The following TEP1 variants were observed in gnomAD, a reference collection of about 807,000 sequenced individuals.
TEP1 encodes telomerase protein component 1.
TEP1 carries 241 observed loss-of-function variants against 306.3 expected under a neutral mutation model. The ratio of observed to expected loss-of-function variants is 0.79; its 90% CI spans 0.71 to 0.88. The LOEUF (loss-of-function observed/expected upper bound fraction) is 0.88. Among genes scored for constraint, TEP1 ranks in the 40% least tolerant of loss-of-function variants. The pLI is 0.00. For synonymous variants in TEP1, 1,289 were observed against 1,305.5 expected, an observed-to-expected ratio of 0.99 and a Z score of 0.27; for missense variants, 3,051 against 3,276.1, an observed-to-expected ratio of 0.93 and a Z score of 1.68.
intron 1 of TEP1, among the ~76,000 whole-genome samples, chr14:20,412,138 A>G (rs1183666640): frequency 6.6e-6 from 1 of 152,176 alleles, no homozygotes; most frequent in Non-Finnish European, 1.5e-5. Context: ...AAGGACAACA[A>G]TATCTCACTG....
intron 43 of TEP1, 49 bp downstream of exon 43, chr14:20,375,706 G>T: frequency 3.9e-6 from 5 of 1,267,802 alleles, no homozygotes; most frequent in Admixed American, 1.7e-5. Flanking sequence ...GTGTTGTCTT[G>T]CCCCAGGAAC....
chr14:20,392,717 T>G (rs887681055), intron 12 of TEP1, among the ~76,000 whole-genome samples: 7 of 152,172 alleles, frequency 4.6e-5, no homozygotes, highest in Admixed American at 3.3e-4. Context: ...ATTGGAAAAT[T>G]TGAATATGGA....
rs1877734530 is a variant in TEP1 at position 20,391,675 on chromosome 14, A to C, written c.2021T>G (p.Leu674Arg). 6.2e-7 allele frequency: 1 copy of C among 1,614,094 alleles called. No homozygotes were observed. Residue 674 changes from leucine (L) to arginine (R), a missense_variant, in exon 13 of 55, where the codon CTG becomes CGG. Leu to Arg is a moderately radical substitution (Grantham distance 102). Coordinates refer to ENST00000262715, the MANE Select transcript of TEP1 (RefSeq NM_007110.5). ...ATAGACCAAGACAGTGCGGCCTGGC[A>C]GCAGGGGCAGGCTGTGCTTCACAGA... ...NLSVKHSLPL[L>R]PGRTVLVYLT...
At position 20,376,189 on chromosome 14, in the gene TEP1, G is replaced by A; in HGVS notation, c.6164C>T (p.Thr2055Ile). 1.2e-6 allele frequency: 2 copies of A among 1,614,192 alleles called. No individual in the cohort carries two copies. Among genetic ancestry groups the A allele is most frequent in the Non-Finnish European group, 1.7e-6 (2 of 1,180,036 alleles). Residue 2055 changes from threonine to isoleucine, a missense_variant, in exon 42 of 55, where the codon ACT (threonine) becomes ATT (isoleucine). Around this residue, in one of 3 missense-constraint regions of TEP1, gnomAD observed 1,540 missense variants for 1,705.9 expected, o/e 0.90. Coordinates refer to ENST00000262715, the MANE Select transcript of TEP1 (RefSeq NM_007110.5). ...PHKAEDFPCG[T>I]ELRGHEGPVS... ...AGGGCCCTCATGTCCCCGCAGCTCA[G>A]TGCCACAGGGAAAGTCTTCTGCCTT...
chr14:20,410,464 C>A (rs979308289), intron 1 of TEP1, among the ~76,000 whole-genome samples: 1 of 152,074 alleles, frequency 6.6e-6, no homozygotes, highest in African/African-American at 2.4e-5. Context: ...GCTCTGTCAC[C>A]CAGGCTGGAG....
intron 18 of TEP1, among the ~76,000 whole-genome samples, chr14:20,386,924 T>C (rs371647286): frequency 5.1e-4 from 78 of 152,048 alleles, no homozygotes; most frequent in Admixed American, 2.4e-3. Flanking sequence ...ATTTTAGCAA[T>C]CAAGAAACGA....
In TEP1 at chr14:20,384,583, T is replaced by C. The variant is rs1876951481; in HGVS notation, c.3221+17A>G. The C allele has an allele frequency of 1.2e-6, 2 of 1,613,622 alleles. No individual in the cohort carries two copies. Among genetic ancestry groups the C allele is most frequent in the Non-Finnish European group, 1.7e-6 (2 of 1,179,586 alleles). On this transcript the variant is annotated intron_variant, in intron 22 of 54. Coordinates refer to ENST00000262715, the MANE Select transcript of TEP1 (RefSeq NM_007110.5). ...ACCACATCTCTGTACAGGTGCTCCC[T>C]ACCTCCCTCAGCTCACCTGCGGCAG...
intron 42 of TEP1, 23 bp downstream of exon 42, chr14:20,376,081 G>T: frequency 1.2e-6 from 2 of 1,611,138 alleles, no homozygotes; most frequent in Non-Finnish European, 8.5e-7. Context: ...GGGACCCCAG[G>T]GTTGCATCCT....
In TEP1 at chr14:20,383,546, C is replaced by T. The variant is rs550452961; in HGVS notation, c.3809G>A (p.Arg1270Lys). Residue 1270 changes from arginine to lysine, a missense_variant, in exon 26 of 55, where the codon AGG (arginine) becomes AAG (lysine). Physicochemically the swap from Arg to Lys is conservative, Grantham distance 26 (BLOSUM62 2). Coordinates refer to ENST00000262715, the MANE Select transcript of TEP1 (RefSeq NM_007110.5). The stretch of plus-strand genomic sequence containing the variant: ...CAGCTGCCCATTCTGGTCCACTAAC[C>T]TATCAGCCCCATCGATGATCAGGAC... ...TQVLIIDGAD[R>K]LVDQNGQLIS... 6 of 1,614,240 alleles carry T rather than the reference C, an allele frequency of 3.7e-6. No homozygotes were observed. The highest frequency in any genetic ancestry group is 1.3e-5 in the African/African-American group (1 of 75,058).
In TEP1 at chr14:20,410,020, CAAAAAAAAAAAA is replaced by C. The variant is rs570672845; in HGVS notation, c.-24-1569_-24-1558del. On this transcript the variant is annotated intron_variant, in intron 1 of 54. Coordinates refer to ENST00000262715, the MANE Select transcript of TEP1 (RefSeq NM_007110.5). ...TGGGCGACAGAGCAAGACTCTGTCTCAAAAAAAAAAAAAAAAAAAAAAAAAAAAAAAAAAAAT... is the reference window on the plus strand; with the variant it reads ...TGGGCGACAGAGCAAGACTCTGTCTCAAAAAAAAAAAAAAAAAAAAAAAAT... Among the ~76,000 whole-genome samples, 383 of 58,888 alleles carry C rather than the reference CAAAAAAAAAAAA, an allele frequency of 6.5e-3. 2 individuals are homozygous for C. Among genetic ancestry groups the C allele is most frequent in the Middle Eastern group, 0.021 (2 of 96 alleles). The allele number at this position is 58,888 out of a possible 152,430, so 38.6% of individuals were successfully genotyped here. A position where few individuals can be genotyped will look rare whatever the true frequency, so the allele number is the denominator to read the frequency against.
intron 12 of TEP1, 39 bp downstream of exon 12, chr14:20,395,411 C>T (rs927321400): frequency 2.0e-6 from 3 of 1,526,808 alleles, no homozygotes; most frequent in South Asian, 2.5e-5. Flanking sequence ...AGGGTAGCCC[C>T]GATTGCCCAC....
In TEP1 at chr14:20,408,336, T is replaced by C. The variant is rs1248636019; in HGVS notation, c.104A>G (p.His35Arg). The change falls in exon 2 of 55, where the codon CAT becomes CGT. Residue 35 changes from histidine (H) to arginine (R), a missense_variant. Transcript: ENST00000262715. Reference sequence around the variant, plus strand: ...ATCTGAGTGGGTAGATACATGCTGATGTAGTTTCTCCAAGGGCTGTAAGTC... The same window carrying C: ...ATCTGAGTGGGTAGATACATGCTGACGTAGTTTCTCCAAGGGCTGTAAGTC... ...LPDLQPLEKL[H>R]QHVSTHSDIL... The C allele has an allele frequency of 1.9e-6, 3 of 1,613,446 alleles. No homozygotes were observed. Among genetic ancestry groups the C allele is most frequent in the Admixed American group, 1.7e-5 (1 of 59,952 alleles).
In TEP1 at chr14:20,368,338, T is replaced by A; in HGVS notation, c.*99A>T. 1 of 1,371,740 alleles carries A rather than the reference T, an allele frequency of 7.3e-7. No individual in the cohort carries two copies. The highest frequency in any genetic ancestry group is 2.6e-5 in the East Asian group (1 of 38,756). 85.0% of individuals were successfully genotyped at this position (1,371,740 alleles called of 1,614,324 possible). A position where few individuals can be genotyped will look rare whatever the true frequency, so the allele number is the denominator to read the frequency against. ...TTTTGACACTTCATTTTTATAATTA[T>A]CAAGAAATTATTAATTTTATAATTA... On this transcript the variant is annotated 3_prime_UTR_variant, in exon 55 of 55. Coordinates refer to ENST00000262715, the MANE Select transcript of TEP1 (RefSeq NM_007110.5).
Position 20,387,972 on chromosome 14 carries a change from C to T in TEP1, c.2617G>A (p.Gly873Arg). 1.2e-6 allele frequency: 2 copies of T among 1,614,132 alleles called. No homozygotes were observed. Among genetic ancestry groups the T allele is most frequent in the Non-Finnish European group, 1.7e-6 (2 of 1,180,002 alleles). ...FKIPPPPGKT[G>R]VQSLRPLEED... is the part of the protein sequence containing the mutation. ...TCCAGTGGCCGGAGAGACTGGACCC[C>T]TGTCTTTCCTGGGGGTGGTGGAATC... The change falls in exon 18 of 55, where the codon GGG becomes AGG. Residue 873 changes from glycine (G) to arginine (R), a missense_variant. Around this residue, in one of 3 missense-constraint regions of TEP1, gnomAD observed 1,507 missense variants for 1,550.5 expected, o/e 0.97. Transcript: ENST00000262715.
rs373347698 is a variant in TEP1 at position 20,378,413 on chromosome 14, G to A, written c.5475C>T (p.Ser1825=). The change falls in exon 38 of 55, where the codon AGC becomes AGT. Residue 1825 remains serine, a synonymous_variant. Coordinates refer to ENST00000262715, the MANE Select transcript of TEP1 (RefSeq NM_007110.5). ...CTTTGAGCCCATCCACCTGGAAGAA[G>A]CTGATGCTGCCAGCCCAGCTGCCTG... ...IATGSWAGSI[S]FFQVDGLKVT... 5 of 1,614,126 alleles carry A rather than the reference G, an allele frequency of 3.1e-6. No individual in the cohort carries two copies. The highest frequency in any genetic ancestry group is 4.2e-6 in the Non-Finnish European group (5 of 1,180,058).
chr14:20,401,147 G>A lies in TEP1; in HGVS notation c.1392-6C>T, dbSNP rs1275089379. ...GCTGTAGGTTGGAGGGGTATCTGAG[G>A]ATAGGTAAGAAAGAGGTCTATCATT... On this transcript the variant is annotated splice_region_variant and splice_polypyrimidine_tract_variant and intron_variant, in intron 8 of 54. Coordinates refer to ENST00000262715, the MANE Select transcript of TEP1 (RefSeq NM_007110.5). 8 of 1,613,686 alleles carry A rather than the reference G, an allele frequency of 5.0e-6. No homozygotes were observed. The highest frequency in any genetic ancestry group is 6.8e-6 in the Non-Finnish European group (8 of 1,179,944).
chr14:20,386,602 GA>G lies in TEP1; in HGVS notation c.2705del (p.Phe902SerfsTer17). 6.2e-7 allele frequency: 1 copy of G among 1,605,156 alleles called. No individual in the cohort carries two copies. The highest frequency in any genetic ancestry group is 8.5e-7 in the Non-Finnish European group (1 of 1,173,924). On this transcript the variant is annotated frameshift_variant, in exon 19 of 55. Transcript: ENST00000262715. LOFTEE classifies it high-confidence loss of function. ...GCATGTCTCGGAAAGTGGATGAAAT[GA>G]AAAGCCGGATGCTGCGCCATCTGGG... ...SQQGWRSIRL[F>X]ISSTFRDMHG... is the part of the protein sequence containing the mutation.
chr14:20,378,396 C>G lies in TEP1; in HGVS notation c.5492G>C (p.Gly1831Ala). 6.2e-7 allele frequency: 1 copy of G among 1,614,224 alleles called. No individual in the cohort carries two copies. Among genetic ancestry groups the G allele is most frequent in the South Asian group, 1.1e-5 (1 of 91,080 alleles). Residue 1831 changes from glycine to alanine, a missense_variant, in exon 38 of 55, where the codon GGG becomes GCG. Physicochemically the swap from Gly to Ala is moderately conservative, Grantham distance 60 (BLOSUM62 0). Transcript: ENST00000262715. ...CCTTCTTACCTTGGTGACTTTGAGC[C>G]CATCCACCTGGAAGAAGCTGATGCT... Reference protein sequence around the residue: ...AGSISFFQVDGLKVTKDLGAP... With the variant: ...AGSISFFQVDALKVTKDLGAP...
In TEP1 at chr14:20,369,496, C is replaced by T. The variant is rs1223861578; in HGVS notation, c.7504G>A (p.Gly2502Ser). ...KCSPEGEWTT[G>S]NMWQKKANTP... ...TTTGCTTTTTTCTGCCACATGTTAC[C>T]TGTGGTCCATTCTCCTTCTGGGCTG... is the stretch of plus-strand genomic sequence containing the variant. The change falls in exon 53 of 55, where the codon GGT becomes AGT. Residue 2502 changes from glycine (G) to serine (S), a missense_variant. Gly to Ser is a moderately conservative substitution (Grantham distance 56). Transcript: ENST00000262715. 2 of 1,614,036 alleles carry T rather than the reference C, an allele frequency of 1.2e-6. No individual in the cohort carries two copies. Among genetic ancestry groups the T allele is most frequent in the African/African-American group, 2.7e-5 (2 of 74,892 alleles).
Sources: allele counts gnomAD v4.1 joint callset (sites outside exome capture counted in the v4.1 genomes callset), GRCh38; gene constraint gnomAD v4.1.1; regional missense constraint gnomAD v4.1.1; transcripts MANE v1.5; gene names NCBI Gene and HGNC (gene_info 2026-07-23, HGNC 2026-07-21).